FAM90A20: variants seen among roughly 807,000 people sequenced by gnomAD.
FAM90A20 encodes protein FAM90A20.
the FAM90A20 span, among the ~76,000 whole-genome samples, chr8:7,296,107 G>T: frequency 1.5e-5 from 2 of 131,008 alleles, 1 homozygote; most frequent in East Asian, 4.1e-4. Context: ...TAGTTGGGAA[G>T]CCTAGAGGGC....
the FAM90A20 span, chr8:7,295,696 C>T: frequency 1.4e-6 from 1 of 722,062 alleles, no homozygotes; most frequent in Non-Finnish European, 2.4e-6. Context: ...CCATGAAGTG[C>T]TGGAAGGCAG....
At chr8:7,295,435 A>T in the FAM90A20 span, among the ~76,000 whole-genome samples, 2 of 96,090 alleles carry the variant, frequency 2.1e-5, no homozygotes, top group Non-Finnish European at 3.7e-5. Context: ...CCTTCCTTTC[A>T]GAGTTCCTCC....
the FAM90A20 span, chr8:7,296,245 G>T: frequency 7.4e-4 from 506 of 685,262 alleles, 35 homozygotes; most frequent in Admixed American, 1.4e-4. Context: ...CCTGTCTCCT[G>T]GGGAAAACCA....
the FAM90A20 span, chr8:7,297,892 A>C: frequency 1.5e-3 from 1,122 of 750,928 alleles, 216 homozygotes; most frequent in African/African-American, 0.024. Context: ...AGAAGCCGGG[A>C]GCCTTCCTCG....
At chr8:7,297,072 G>T in the FAM90A20 span, 14 of 1,504,958 alleles carry the variant, frequency 9.3e-6, 2 homozygotes, top group Non-Finnish European at 1.2e-5. Flanking sequence ...GTTGCAAGGG[G>T]GCCAATGCCG....
At chr8:7,296,215 G>T in the FAM90A20 span, 20 of 663,694 alleles carry the variant, frequency 3.0e-5, 5 homozygotes, top group Admixed American at 1.3e-4. Flanking sequence ...GAATGGGGCT[G>T]GGCCCCAGAC....
At chr8:7,295,511 G>C in the FAM90A20 span, 1 of 556,182 alleles carries the variant, frequency 1.8e-6, no homozygotes, top group Non-Finnish European at 3.1e-6. Context: ...CCCCCATGCC[G>C]GTGTCCCCTC....
the FAM90A20 span, chr8:7,295,895 C>T: frequency 1.6e-6 from 1 of 618,436 alleles, no homozygotes; most frequent in South Asian, 1.7e-5. Flanking sequence ...GGTGTCTCTG[C>T]ACCTGCACAC....
the FAM90A20 span, among the ~76,000 whole-genome samples, chr8:7,296,665 GC>G: frequency 2.4e-3 from 322 of 135,246 alleles, 42 homozygotes; most frequent in Non-Finnish European, 4.0e-3. Context: ...TCCCTCAGAG[GC>G]CGCAAACGTG....
chr8:7,296,992 G>A, the FAM90A20 span: 2 of 1,296,506 alleles, frequency 1.5e-6, no homozygotes, highest in Non-Finnish European at 2.1e-6. Flanking sequence ...CCTTGTCTTT[G>A]GATGTGTTTG....
chr8:7,295,747 A>G, the FAM90A20 span: 2 of 1,212,302 alleles, frequency 1.6e-6, no homozygotes, highest in Non-Finnish European at 2.3e-6. Flanking sequence ...AAGGGAAGGA[A>G]AACCTGAAAC....
chr8:7,296,424 C>A, the FAM90A20 span: 11 of 726,356 alleles, frequency 1.5e-5, 3 homozygotes, highest in African/African-American at 1.2e-4. Flanking sequence ...GCCCCTGGTC[C>A]TTTTATCCTC....
At chr8:7,296,444 C>G in the FAM90A20 span, 3 of 711,872 alleles carry the variant, frequency 4.2e-6, 1 homozygote, top group African/African-American at 7.5e-5. Context: ...CTAGGTAACC[C>G]TGGTTGATTT....
At chr8:7,297,056 T>C in the FAM90A20 span, 8 of 1,496,448 alleles carry the variant, frequency 5.3e-6, 1 homozygote, top group South Asian at 2.3e-5. Flanking sequence ...GTTTCCTCTC[T>C]TTCAGGTTGC....
At chr8:7,297,483 G>C in the FAM90A20 span, 4 of 1,539,232 alleles carry the variant, frequency 2.6e-6, 1 homozygote, top group African/African-American at 8.0e-5. Flanking sequence ...TCCAATCTCA[G>C]CTTTGGGTCA....
the FAM90A20 span, chr8:7,298,015 C>G: frequency 1.5e-6 from 1 of 673,120 alleles, no homozygotes; most frequent in South Asian, 1.7e-5. Context: ...GCGATTCTGA[C>G]CTGGAGTGAG....
At chr8:7,297,832 C>G in the FAM90A20 span, 1 of 1,032,334 alleles carries the variant, frequency 9.7e-7, no homozygotes, top group Non-Finnish European at 1.4e-6. Context: ...GACTGGAAAA[C>G]GGACGCTGGA....
the FAM90A20 span, among the ~76,000 whole-genome samples, chr8:7,296,830 C>T: frequency 2.9e-5 from 4 of 136,440 alleles, 1 homozygote. Flanking sequence ...AAGACGCAAT[C>T]TTTTGAACAA....
At chr8:7,297,754 C>A in the FAM90A20 span, 1 of 1,479,396 alleles carries the variant, frequency 6.8e-7, no homozygotes, top group South Asian at 1.1e-5. Flanking sequence ...CTGCCCAGGC[C>A]TGCACCATGT....
Sources: allele counts gnomAD v4.1 joint callset (sites outside exome capture counted in the v4.1 genomes callset), GRCh38; gene constraint gnomAD v4.1.1; transcripts MANE v1.5; gene names NCBI Gene and HGNC (gene_info 2026-07-23, HGNC 2026-07-21).